The following PGGT1B variants were observed in gnomAD, a reference collection of about 807,000 sequenced individuals.
PGGT1B encodes geranylgeranyl transferase type-1 subunit beta.
PGGT1B carries 30 observed loss-of-function variants against 46.1 expected under a neutral mutation model. The ratio of observed to expected loss-of-function variants is 0.65; its 90% CI spans 0.49 to 0.88. The LOEUF is 0.88. Among genes scored for constraint, PGGT1B ranks in the 40% least tolerant of loss-of-function variants. The probability of loss-of-function intolerance (pLI) is 0.00; values close to 1 mark genes in which losing one functional copy is unlikely to be tolerated. For missense variants in PGGT1B, 376 were observed against 455.9 expected (o/e 0.82, Z 1.60); for synonymous variants, 170 against 160.0 (o/e 1.06, Z -0.47).
chr5:115,223,182 C>T (rs1156700711), intron 6 of PGGT1B, among the ~76,000 whole-genome samples: 2 of 151,586 alleles, frequency 1.3e-5, no homozygotes, highest in Admixed American at 6.6e-5. Flanking sequence ...AAGAGGGAAA[C>T]CAAATATGAA....
chr5:115,258,551 T>A (rs1273445355), intron 1 of PGGT1B, among the ~76,000 whole-genome samples: 3 of 152,212 alleles, frequency 2.0e-5, no homozygotes, highest in Non-Finnish European at 4.4e-5. Flanking sequence ...CTTTACATTT[T>A]GAACCACTAC....
In PGGT1B at chr5:115,209,851, T is replaced by G. The variant is rs7708472; in HGVS notation, c.*2551A>C. On this transcript the variant is annotated 3_prime_UTR_variant, in exon 9 of 9. Coordinates refer to ENST00000419445, the MANE Select transcript of PGGT1B (RefSeq NM_005023.4). ...AATCCTAAACCCTGTGTGTTAGGTTTTACCCTTATTTTATCCACGGCAGAG... is the reference window on the plus strand; with the variant it reads ...AATCCTAAACCCTGTGTGTTAGGTTGTACCCTTATTTTATCCACGGCAGAG... 92 of 152,178 alleles carry G rather than the reference T, an allele frequency of 6.0e-4. No homozygotes were observed. Among genetic ancestry groups the G allele is most frequent in the African/African-American group, 2.2e-3 (91 of 41,534 alleles). The allele number at this position is 152,178 out of a possible 1,614,324, so 9.4% of individuals were successfully genotyped here.
In PGGT1B at chr5:115,205,642, C is replaced by A. The variant is rs921549919; in HGVS notation, c.*6760G>T. 1.3e-5 allele frequency: 2 copies of A among 151,940 alleles called. No homozygotes were observed. Among genetic ancestry groups the A allele is most frequent in the South Asian group, 4.2e-4 (2 of 4,816 alleles). 9.4% of individuals were successfully genotyped at this position (151,940 alleles called of 1,614,324 possible). A position where few individuals can be genotyped will look rare whatever the true frequency, so the allele number is the denominator to read the frequency against. On this transcript the variant is annotated 3_prime_UTR_variant, in exon 9 of 9. Coordinates refer to ENST00000419445, the MANE Select transcript of PGGT1B (RefSeq NM_005023.4). ...ATAATTCGTAAATGAGTTTGAGGAA[C>A]GAAGCCACAAAGGTCTTTTCTAATG...
chr5:115,228,254 T>C (rs550553847), intron 6 of PGGT1B, among the ~76,000 whole-genome samples: 13 of 152,256 alleles, frequency 8.5e-5, no homozygotes, highest in African/African-American at 2.9e-4. Context: ...ACAGAGATAA[T>C]TAATAAAGAA....
rs1756056980 is a variant in PGGT1B, at chr5:115,206,174, C to T, written c.*6228G>A. ...ATATATTGTATTGGGATGAGTAATA[C>T]TTAAATGTTCAGATATTTAAAGAAT... On this transcript the variant is annotated 3_prime_UTR_variant, in exon 9 of 9. Transcript: ENST00000419445. The T allele has an allele frequency of 6.6e-6, 1 of 151,622 alleles. No homozygotes were observed. The allele number at this position is 151,622 out of a possible 1,614,324, so 9.4% of individuals were successfully genotyped here. A position where few individuals can be genotyped will look rare whatever the true frequency, so the allele number is the denominator to read the frequency against.
At chr5:115,254,232 C>T (rs1418400008) in intron 1 of PGGT1B, among the ~76,000 whole-genome samples, 1 of 151,906 alleles carries the variant, frequency 6.6e-6, no homozygotes, top group Non-Finnish European at 1.5e-5. Flanking sequence ...TAGAATAGTA[C>T]TACAGGTTGA....
At chr5:115,262,638 C>G (rs1367342432) in intron 1 of PGGT1B, 74 bp downstream of exon 1, 6 of 1,504,606 alleles carry the variant, frequency 4.0e-6, no homozygotes, top group Non-Finnish European at 5.4e-6. Context: ...GCCCAGTTTG[C>G]GGTCCGACTC....
At chr5:115,257,192 G>GA (rs11411400) in intron 1 of PGGT1B, among the ~76,000 whole-genome samples, 111,272 of 151,938 alleles carry the variant, frequency 0.73, 42,009 homozygotes, top group African/African-American at 0.93. Flanking sequence ...CCAGGCTTAA[G>GA]ACACGCATAC....
intron 2 of PGGT1B, among the ~76,000 whole-genome samples, chr5:115,242,960 G>A (rs1757393413): frequency 7.8e-6 from 1 of 129,008 alleles, no homozygotes; most frequent in African/African-American, 2.6e-5. Context: ...GAGTCAAACT[G>A]TCTTGAAAAA....
chr5:115,248,523 G>A (rs578153471), intron 2 of PGGT1B, among the ~76,000 whole-genome samples: 3 of 152,248 alleles, frequency 2.0e-5, no homozygotes, highest in Non-Finnish European at 4.4e-5. Context: ...TGTGTTTCCC[G>A]AATACTTCCC....
At chr5:115,229,069 G>C (rs1318460780) in intron 6 of PGGT1B, among the ~76,000 whole-genome samples, 1 of 152,130 alleles carries the variant, frequency 6.6e-6, no homozygotes, top group African/African-American at 2.4e-5. Context: ...TTTAGAAAGA[G>C]GTTTCACTTG....
intron 3 of PGGT1B, among the ~76,000 whole-genome samples, chr5:115,240,880 T>C (rs1249455615): frequency 8.5e-5 from 13 of 152,152 alleles, no homozygotes; most frequent in Non-Finnish European, 1.9e-4. Context: ...TGTAGAAAAA[T>C]ACTTGTATTT....
chr5:115,216,774 A>G (rs1291099495), intron 8 of PGGT1B, 91 bp downstream of exon 8: 3 of 719,296 alleles, frequency 4.2e-6, no homozygotes, highest in Non-Finnish European at 7.4e-6. Context: ...GCAACTGGAT[A>G]TATTTTCTAT....
intron 8 of PGGT1B, among the ~76,000 whole-genome samples, chr5:115,213,492 T>C (rs541781236): frequency 5.7e-4 from 86 of 152,142 alleles, no homozygotes; most frequent in Non-Finnish European, 1.1e-3. Context: ...CAAAACAGGC[T>C]GGGTGTGGTG....
At chr5:115,217,163 C>G (rs1388382292) in intron 7 of PGGT1B, among the ~76,000 whole-genome samples, 190 bp from the exon 8 acceptor site, 1 of 152,130 alleles carries the variant, frequency 6.6e-6, no homozygotes, top group East Asian at 1.9e-4. Context: ...CAAATCTACT[C>G]TCCTTTTCTC....
intron 6 of PGGT1B, among the ~76,000 whole-genome samples, chr5:115,222,894 C>T (rs988918540): frequency 6.6e-5 from 10 of 152,286 alleles, no homozygotes; most frequent in Admixed American, 3.9e-4. Flanking sequence ...CGCATGTTCT[C>T]ACTCATAGGT....
chr5:115,231,016 A>T lies in PGGT1B; in HGVS notation c.618T>A (p.Tyr206Ter). 6.5e-7 allele frequency: 1 copy of T among 1,540,036 alleles called. No individual in the cohort carries two copies. The highest frequency in any genetic ancestry group is 8.8e-7 in the Non-Finnish European group (1 of 1,131,016). ...CAGCTCCCTGTGCCAGTCCATTGTC[A>T]TAGGACTGAAAAAGAAAAACATTGT... ...AITYIRRSMSYDNGLAQGAGL... is the reference protein window; with the variant it reads ...AITYIRRSMS Residue 206 changes from tyrosine to a stop codon, truncating the protein, a stop_gained, in exon 6 of 9, where the codon TAT becomes TAA. Transcript: ENST00000419445. LOFTEE classifies it high-confidence loss of function.
chr5:115,260,383 G>A (rs1748503935), intron 1 of PGGT1B, among the ~76,000 whole-genome samples: 2 of 152,094 alleles, frequency 1.3e-5, no homozygotes, highest in Admixed American at 6.5e-5. Context: ...AGACACATGG[G>A]GAGGCACTCT....
At chr5:115,240,463 G>A (rs1013009483) in intron 3 of PGGT1B, among the ~76,000 whole-genome samples, 1 of 152,106 alleles carries the variant, frequency 6.6e-6, no homozygotes, top group South Asian at 2.1e-4. Flanking sequence ...TTCTGGATTA[G>A]CTTAAGGTGG....
Sources: gnomAD v4.1 joint callset for allele counts (sites outside exome capture counted in the v4.1 genomes callset) on GRCh38, gnomAD v4.1.1 for gene constraint, MANE v1.5 for transcripts, NCBI Gene and HGNC (gene_info 2026-07-23, HGNC 2026-07-21) for gene names.